TPP2: variants seen among roughly 807,000 people sequenced by gnomAD.
The protein encoded by TPP2 is tripeptidyl peptidase 2, also known as tripeptidyl-peptidase 2.
TPP2 carries 34 observed loss-of-function variants against 155.9 expected under a neutral mutation model. The ratio of observed to expected loss-of-function variants is 0.22; its 90% CI spans 0.17 to 0.29. The LOEUF (loss-of-function observed/expected upper bound fraction) is 0.29. Among genes scored for constraint, TPP2 ranks in the 10% least tolerant of loss-of-function variants. TPP2 has a pLI of 1.00. For missense variants in TPP2, 1,028 were observed against 1,522.3 expected, an observed-to-expected ratio of 0.68 and a Z score of 5.40; for synonymous variants, 510 against 529.4, an observed-to-expected ratio of 0.96 and a Z score of 0.50.
In TPP2 at chr13:102,629,600, A is replaced by T. The variant is rs776777186; in HGVS notation, c.1135A>T (p.Ser379Cys). Residue 379 changes from serine to cysteine, a missense_variant, in exon 9 of 30, where the codon AGT becomes TGT. Transcript: ENST00000376052. ...TVGCPGGTTS[S>C]VIGVGAYVSP... ...TGGTTGTCCAGGTGGAACTACATCA[A>T]GTGTGATAGGTTAGTTTCCTGTTTT... 6.5e-7 allele frequency: 1 copy of T among 1,547,866 alleles called. No individual in the cohort carries two copies. Among genetic ancestry groups the T allele is most frequent in the Non-Finnish European group, 8.6e-7 (1 of 1,158,280 alleles).
At chr13:102,674,513 C>G (rs1885178649) in intron 28 of TPP2, 23 bp downstream of exon 28, 1 of 1,612,104 alleles carries the variant, frequency 6.2e-7, no homozygotes, top group Non-Finnish European at 8.5e-7. Context: ...CTTCTTGTTT[C>G]AGCAAAGTTC....
intron 27 of TPP2, among the ~76,000 whole-genome samples, chr13:102,672,749 G>A (rs1448184232): frequency 1.3e-5 from 2 of 152,164 alleles, no homozygotes; most frequent in Admixed American, 6.5e-5. Flanking sequence ...GGGGAAGGAG[G>A]GTGGATCAGG....
intron 5 of TPP2, among the ~76,000 whole-genome samples, chr13:102,620,957 A>G (rs1490519739): frequency 1.4e-5 from 2 of 140,430 alleles, no homozygotes; most frequent in East Asian, 1.9e-4. Flanking sequence ...AGAAATACAT[A>G]AAACAAAAGC....
At chr13:102,624,852 C>CTT (rs1029486604) in intron 6 of TPP2, among the ~76,000 whole-genome samples, 1,101 of 83,488 alleles carry the variant, frequency 0.013, 7 homozygotes, top group Non-Finnish European at 0.017. Context: ...TTTTTTTTTC[C>CTT]TTTTTTTTTT....
In TPP2 at chr13:102,614,112, C is replaced by A; in HGVS notation, c.306C>A (p.Ser102Arg). 6.2e-7 allele frequency: 1 copy of A among 1,612,568 alleles called. No individual in the cohort carries two copies. The highest frequency in any genetic ancestry group is 8.5e-7 in the Non-Finnish European group (1 of 1,179,402). The change falls in exon 3 of 30, where the codon AGC becomes AGA. Residue 102 changes from serine to arginine, a missense_variant. By Grantham distance (110) the Ser-to-Arg change is moderately radical. Around this residue, in one of 7 missense-constraint regions of TPP2, gnomAD observed 300 missense variants for 398.3 expected, o/e 0.75. Coordinates refer to ENST00000376052, the MANE Select transcript of TPP2 (RefSeq NM_001330588.2). ...LSGRVLKIPA[S>R]WTNPSGKYHI... ...TTTTTTTTCTGTAGATTCCTGCAAG[C>A]TGGACAAATCCCTCAGGCAAATATC...
At chr13:102,634,174 A>T (rs1882213389) in intron 11 of TPP2, 76 bp downstream of exon 11, 1 of 1,574,708 alleles carries the variant, frequency 6.4e-7, no homozygotes, top group East Asian at 2.3e-5. Context: ...TGGTAAGAAC[A>T]TGTGGTAGAA....
chr13:102,674,400 A>G lies in TPP2; in HGVS notation c.3489A>G (p.Glu1163=). The change falls in exon 28 of 30, where the codon GAA becomes GAG. Residue 1163 remains glutamate, a synonymous_variant. Transcript: ENST00000376052. ...AQDGAISTDA[E]GKEEEGESPL... ...ACGGAGCCATTTCCACTGATGCAGA[A>G]GGAAAGGAGGAGGAAGGAGAAAGTC... The G allele has an allele frequency of 6.2e-7, 1 of 1,614,022 alleles. No homozygotes were observed. The highest frequency in any genetic ancestry group is 8.5e-7 in the Non-Finnish European group (1 of 1,179,900).
rs1885465546 is a variant in TPP2, at chr13:102,678,946, C to T, written c.*630C>T. 3 of 152,464 alleles carry T rather than the reference C, an allele frequency of 2.0e-5. No homozygotes were observed. Among genetic ancestry groups the T allele is most frequent in the Admixed American group, 1.3e-4 (2 of 15,250 alleles). The allele number at this position is 152,464 out of a possible 1,614,324, so 9.4% of individuals were successfully genotyped here. A position where few individuals can be genotyped will look rare whatever the true frequency, so the allele number is the denominator to read the frequency against. ...TACAGGCAAGTCATTTTCACATCCT[C>T]TTGAGGTTCAGAGCATCAGAATGAA... On this transcript the variant is annotated 3_prime_UTR_variant, in exon 30 of 30. Coordinates refer to ENST00000376052, the MANE Select transcript of TPP2 (RefSeq NM_001330588.2).
intron 29 of TPP2, among the ~76,000 whole-genome samples, chr13:102,676,906 G>C (rs1885309418): frequency 6.6e-6 from 1 of 152,188 alleles, no homozygotes; most frequent in Non-Finnish European, 1.5e-5. Flanking sequence ...AAAAAATTTA[G>C]CTGATTTCTA....
At chr13:102,638,655 C>T (rs1024553269) in intron 15 of TPP2, among the ~76,000 whole-genome samples, 3 of 152,222 alleles carry the variant, frequency 2.0e-5, no homozygotes, top group Admixed American at 2.0e-4. Context: ...CTTCACTCCC[C>T]TCCATTCCTG....
At chr13:102,630,051 AT>A in intron 9 of TPP2, 44 bp from the exon 10 acceptor site, 1 of 1,532,952 alleles carries the variant, frequency 6.5e-7, no homozygotes, top group Non-Finnish European at 9.0e-7. Flanking sequence ...TGGAATCAGG[AT>A]CCCCGTTTGT....
intron 27 of TPP2, among the ~76,000 whole-genome samples, chr13:102,666,647 A>G (rs1884613755): frequency 2.0e-5 from 3 of 152,040 alleles, no homozygotes; most frequent in Admixed American, 2.0e-4. Context: ...GAAATAACAC[A>G]TATGGTTTTC....
rs1882218745 is a variant in TPP2, at chr13:102,634,246, A to C, written c.1393+148A>C. On this transcript the variant is annotated intron_variant, in intron 11 of 29. Transcript: ENST00000376052. Reference sequence around the variant, plus strand: ...AACGAATAACTTATGTGATAATGATAATTTGAATGTGTGTTTATTCAGCAG... The same window carrying C: ...AACGAATAACTTATGTGATAATGATCATTTGAATGTGTGTTTATTCAGCAG... 9.8e-6 allele frequency: 11 copies of C among 1,123,340 alleles called. 1 individual carries two copies. The South Asian group carries it at 1.8e-4, about 18-fold the overall frequency. 69.6% of individuals were successfully genotyped at this position (1,123,340 alleles called of 1,614,324 possible). A position where few individuals can be genotyped will look rare whatever the true frequency, so the allele number is the denominator to read the frequency against.
chr13:102,675,287 T>C (rs1885219466), intron 28 of TPP2, among the ~76,000 whole-genome samples: 3 of 152,192 alleles, frequency 2.0e-5, no homozygotes, highest in African/African-American at 7.2e-5. Flanking sequence ...GGTACTCAGT[T>C]ACTCAGTTAT....
At chr13:102,627,974 A>C (rs763745389) in intron 8 of TPP2, 50 bp downstream of exon 8, 1 of 1,451,072 alleles carries the variant, frequency 6.9e-7, no homozygotes, top group East Asian at 2.3e-5. Context: ...GCCAGTGAAG[A>C]GTATGAGATG....
intron 2 of TPP2, among the ~76,000 whole-genome samples, chr13:102,606,393 G>A (rs902940771): frequency 6.6e-6 from 1 of 152,124 alleles, no homozygotes; most frequent in Non-Finnish European, 1.5e-5. Flanking sequence ...GTCCAGGCAT[G>A]GCTTTTTGTG....
At chr13:102,672,704 G>A (rs1197966077) in intron 27 of TPP2, among the ~76,000 whole-genome samples, 1 of 152,198 alleles carries the variant, frequency 6.6e-6, no homozygotes, top group Non-Finnish European at 1.5e-5. Context: ...CTGCTGAGAA[G>A]ACATTTAAGG....
chr13:102,606,934 C>T (rs983928926), intron 2 of TPP2, among the ~76,000 whole-genome samples: 1 of 152,036 alleles, frequency 6.6e-6, no homozygotes. Flanking sequence ...GAAAGTTGGG[C>T]CTTTGGGAGG....
At chr13:102,611,605 G>A (rs1368987292) in intron 2 of TPP2, among the ~76,000 whole-genome samples, 1 of 152,176 alleles carries the variant, frequency 6.6e-6, no homozygotes, top group East Asian at 1.9e-4. Context: ...GTTGCAGTGA[G>A]CCAATATGGC....
Sources: allele counts gnomAD v4.1 joint callset (sites outside exome capture counted in the v4.1 genomes callset), GRCh38; gene constraint gnomAD v4.1.1; regional missense constraint gnomAD v4.1.1; transcripts MANE v1.5; gene names NCBI Gene and HGNC (gene_info 2026-07-23, HGNC 2026-07-21).